Variants in NUB1 observed in about 807,000 individuals in gnomAD.
The protein encoded by NUB1 is negative regulator of ubiquitin like proteins 1.
A neutral mutation model predicts 77.1 loss-of-function variants in NUB1; 41 were observed. The observed-to-expected ratio is 0.53, with a 90% CI of 0.41 to 0.69. The LOEUF is 0.69. NUB1 is among the 30% of genes least tolerant of loss of function. The pLI, the probability that NUB1 is intolerant of heterozygous loss-of-function variation, is 0.00. For missense variants in NUB1, 643 were observed against 743.8 expected (o/e 0.86, Z 1.58); for synonymous variants, 257 against 281.0 (o/e 0.91, Z 0.85).
chr7:151,353,835 C>T (rs910918032), intron 5 of NUB1, among the ~76,000 whole-genome samples: 2 of 152,190 alleles, frequency 1.3e-5, no homozygotes, highest in African/African-American at 4.8e-5. Context: ...GACAGCCCTT[C>T]ACAGCTCACC....
chr7:151,377,428 C>T lies in NUB1; in HGVS notation c.*203C>T, dbSNP rs1024116432. ...GGAAGAAGCTTCCTCTGGCCTGGCG[C>T]AGGCCGTTCCATCTGCCTCCCAGGT... On this transcript the variant is annotated 3_prime_UTR_variant, in exon 15 of 15. Coordinates refer to ENST00000568733, the MANE Select transcript of NUB1 (RefSeq NM_001243351.2). 25 of 432,076 alleles carry T rather than the reference C, an allele frequency of 5.8e-5. No homozygotes were observed. The highest frequency in any genetic ancestry group is 2.9e-4 in the Admixed American group (7 of 23,754). 26.8% of individuals were successfully genotyped at this position (432,076 alleles called of 1,614,324 possible).
chr7:151,373,835 G>T (rs1798075184), intron 11 of NUB1, among the ~76,000 whole-genome samples: 1 of 152,206 alleles, frequency 6.6e-6, no homozygotes, highest in African/African-American at 2.4e-5. Context: ...GTGGATGGCG[G>T]GGCTGGCGAG....
chr7:151,348,584 T>G (rs1796623760), intron 2 of NUB1, among the ~76,000 whole-genome samples: 1 of 131,922 alleles, frequency 7.6e-6, no homozygotes, highest in East Asian at 2.1e-4. Context: ...TTTTTTTTTT[T>G]TTTTTTTTTG....
intron 12 of NUB1, among the ~76,000 whole-genome samples, chr7:151,375,160 G>A (rs909862415): frequency 9.9e-5 from 15 of 152,146 alleles, no homozygotes; most frequent in Non-Finnish European, 1.5e-4. Context: ...CCTGTTCCCC[G>A]GAAGGCTCCA....
At position 151,352,890 on chromosome 7, in the gene NUB1, T is replaced by C; in HGVS notation, c.415+8T>C. On this transcript the variant is annotated splice_region_variant and intron_variant, in intron 5 of 14. Coordinates refer to ENST00000568733, the MANE Select transcript of NUB1 (RefSeq NM_001243351.2). ...AGAAGCAACTACAACTAGGTATGTA[T>C]GGCAAAGTATGCATAATTTTTTAAT... 1.4e-6 allele frequency: 2 copies of C among 1,403,768 alleles called. No individual in the cohort carries two copies. The highest frequency in any genetic ancestry group is 2.0e-6 in the Non-Finnish European group (2 of 1,012,742). The allele number at this position is 1,403,768 out of a possible 1,614,324, so 87.0% of individuals were successfully genotyped here.
intron 11 of NUB1, among the ~76,000 whole-genome samples, chr7:151,370,895 C>A (rs1372789923): frequency 6.6e-6 from 1 of 152,146 alleles, no homozygotes; most frequent in Non-Finnish European, 1.5e-5. Flanking sequence ...GAAAACAGTT[C>A]TCATCACTGT....
intron 10 of NUB1, among the ~76,000 whole-genome samples, chr7:151,368,309 C>A (rs1007564082): frequency 2.0e-5 from 3 of 152,126 alleles, no homozygotes; most frequent in Admixed American, 1.3e-4. Flanking sequence ...GCAGAGGGGG[C>A]AAGAGAGAGT....
rs1293702820 is a variant in NUB1 at position 151,377,043 on chromosome 7, G to A, written c.1670-4G>A. The A allele has an allele frequency of 1.9e-6, 3 of 1,540,528 alleles. No homozygotes were observed. The highest frequency in any genetic ancestry group is 2.4e-5 in the East Asian group (1 of 42,488). On this transcript the variant is annotated splice_region_variant and splice_polypyrimidine_tract_variant and intron_variant, in intron 14 of 14. Transcript: ENST00000568733. Reference sequence around the variant, plus strand: ...TCACTTACTCCTGCGGTATTTTATTGTAGGAACCTCTAGTGCCTCAACAGA... The same window carrying A: ...TCACTTACTCCTGCGGTATTTTATTATAGGAACCTCTAGTGCCTCAACAGA...
At chr7:151,356,249 T>C (rs753202128) in intron 7 of NUB1, 27 bp downstream of exon 7, 1 of 1,503,944 alleles carries the variant, frequency 6.6e-7, no homozygotes, top group South Asian at 1.1e-5. Flanking sequence ...ATGTGTGGCC[T>C]GTTCTTAGAT....
At position 151,376,557 on chromosome 7, in the gene NUB1, T is replaced by C. The variant is rs1245101846; in HGVS notation, c.1492-77T>C. ...GGAGCTCTTAAACATGAGAGTCGGC[T>C]GTCCACTCGTATGGCTGACGGGGGT... On this transcript the variant is annotated intron_variant, in intron 13 of 14. Coordinates refer to ENST00000568733, the MANE Select transcript of NUB1 (RefSeq NM_001243351.2). 5 of 1,363,900 alleles carry C rather than the reference T, an allele frequency of 3.7e-6. No homozygotes were observed. The Admixed American group carries it at 1.1e-4, about 31-fold the overall frequency. The allele number at this position is 1,363,900 out of a possible 1,614,324, so 84.5% of individuals were successfully genotyped here.
In NUB1 at chr7:151,367,577, G is replaced by A. The variant is rs575660391; in HGVS notation, c.988-284G>A. ...ATGCAGACTCTCTGATACCTGGTTT[G>A]GATTTCTGCATACTTCTCTGCTGAC... is the stretch of plus-strand genomic sequence containing the variant. On this transcript the variant is annotated intron_variant, in intron 9 of 14. Coordinates refer to ENST00000568733, the MANE Select transcript of NUB1 (RefSeq NM_001243351.2). 4.6e-5 allele frequency among the ~76,000 whole-genome samples: 7 copies of A among 152,260 alleles called. No individual in the cohort carries two copies. In the South Asian group the frequency reaches 1.5e-3, roughly 32 times the overall value.
In NUB1 at chr7:151,374,521, G is replaced by A. The variant is rs952825150; in HGVS notation, c.1395+278G>A. Reference sequence around the variant, plus strand: ...GGCCAGGACTTTGTGTAGGGTTTCTGTGTGCAGCAGAGTTTAGTGAAACAG... The same window carrying A: ...GGCCAGGACTTTGTGTAGGGTTTCTATGTGCAGCAGAGTTTAGTGAAACAG... On this transcript the variant is annotated intron_variant, in intron 12 of 14. Transcript: ENST00000568733. 29 of 517,922 alleles carry A rather than the reference G, an allele frequency of 5.6e-5. 1 individual carries two copies. Among genetic ancestry groups the A allele is most frequent in the African/African-American group, 4.4e-4 (23 of 52,702 alleles). 32.1% of individuals were successfully genotyped at this position (517,922 alleles called of 1,614,324 possible).
At chr7:151,361,695 G>C (rs1797388994) in intron 8 of NUB1, among the ~76,000 whole-genome samples, 1 of 152,002 alleles carries the variant, frequency 6.6e-6, no homozygotes, top group South Asian at 2.1e-4. Flanking sequence ...TTTTCCATTG[G>C]TCAGTGCCTT....
At chr7:151,356,039 C>T in intron 6 of NUB1, 89 bp downstream of exon 6, 1 of 1,541,620 alleles carries the variant, frequency 6.5e-7, no homozygotes, top group Non-Finnish European at 9.0e-7. Flanking sequence ...CTCACTGAGT[C>T]TCACCTCAAC....
intron 2 of NUB1, among the ~76,000 whole-genome samples, chr7:151,348,678 C>T (rs969854808): frequency 2.1e-5 from 3 of 140,178 alleles, no homozygotes; most frequent in Non-Finnish European, 3.0e-5. Context: ...TGGGTTCAAG[C>T]GATTCTCCTG....
In NUB1 at chr7:151,374,353, C is replaced by T. The variant is rs760759430; in HGVS notation, c.1395+110C>T. On this transcript the variant is annotated intron_variant, in intron 12 of 14. Coordinates refer to ENST00000568733, the MANE Select transcript of NUB1 (RefSeq NM_001243351.2). ...CCGGGCTCACTCCTATGGGCTGCCCCGTCATCCGGATCTGAAGGGCAGGTT... is the reference window on the plus strand; with the variant it reads ...CCGGGCTCACTCCTATGGGCTGCCCTGTCATCCGGATCTGAAGGGCAGGTT... 34 of 1,353,838 alleles carry T rather than the reference C, an allele frequency of 2.5e-5. 1 individual carries two copies. The highest frequency in any genetic ancestry group is 2.2e-4 in the South Asian group (18 of 80,056). The allele number at this position is 1,353,838 out of a possible 1,614,324, so 83.9% of individuals were successfully genotyped here.
chr7:151,348,568 GCT>G (rs1796617078), intron 2 of NUB1, among the ~76,000 whole-genome samples: 1 of 58,182 alleles, frequency 1.7e-5, no homozygotes, highest in African/African-American at 5.8e-5. Flanking sequence ...TTTGCTTTTT[GCT>G]TTTTTTTTTT....
At chr7:151,353,863 C>T (rs750308434) in intron 5 of NUB1, among the ~76,000 whole-genome samples, 6 of 152,196 alleles carry the variant, frequency 3.9e-5, no homozygotes, top group Admixed American at 2.6e-4. Flanking sequence ...TGCTTTCCAG[C>T]GTCATCTCTA....
chr7:151,341,826 G>C lies in NUB1; in HGVS notation c.-23G>C. On this transcript the variant is annotated 5_prime_UTR_variant, in exon 1 of 15. Transcript: ENST00000568733. ...CGCATCCGGGCACTCTGCTGGTCGCGGCGGGAGTGGCGTGGCGCAGGTGAG... is the reference window on the plus strand; with the variant it reads ...CGCATCCGGGCACTCTGCTGGTCGCCGCGGGAGTGGCGTGGCGCAGGTGAG... 1 of 1,507,244 alleles carries C rather than the reference G, an allele frequency of 6.6e-7. No homozygotes were observed. The highest frequency in any genetic ancestry group is 8.8e-7 in the Non-Finnish European group (1 of 1,137,078). 93.4% of individuals were successfully genotyped at this position (1,507,244 alleles called of 1,614,324 possible).
Sources: allele counts gnomAD v4.1 joint callset (sites outside exome capture counted in the v4.1 genomes callset), GRCh38; gene constraint gnomAD v4.1.1; transcripts MANE v1.5; gene names NCBI Gene and HGNC (gene_info 2026-07-23, HGNC 2026-07-21).